Variants in TTC6 observed in about 807,000 individuals in gnomAD.
TTC6 encodes tetratricopeptide repeat protein 6.
TTC6 carries 172 observed loss-of-function variants against 210.4 expected under a neutral mutation model. That is an observed-to-expected ratio of 0.82 (90% CI 0.72 to 0.93). The LOEUF is 0.93. Ranked by LOEUF, TTC6 falls within the 40% of genes least tolerant of loss-of-function variation. TTC6 has a pLI of 0.00. For synonymous variants in TTC6, 804 were observed against 819.6 expected (o/e 0.98, Z 0.32); for missense variants, 2,414 against 2,318.1 (o/e 1.04, Z -0.85).
In TTC6 at chr14:37,722,025, A is replaced by T. The variant is rs143011950; in HGVS notation, c.1714-2873A>T. 3.5e-3 allele frequency among the ~76,000 whole-genome samples: 524 copies of T among 151,496 alleles called. 3 individuals are homozygous for T. The highest frequency in any genetic ancestry group is 0.012 in the African/African-American group (505 of 41,312). ...GTCTCAGACTACATTTTGAAAACTG[A>T]TATTCTGCCTTAGGTTTCATTTAAA... On this transcript the variant is annotated intron_variant, in intron 6 of 30. Coordinates refer to ENST00000553443, the Ensembl canonical transcript of TTC6.
At chr14:37,766,396 G>T (rs918602171) in intron 14 of TTC6, among the ~76,000 whole-genome samples, 17 of 152,054 alleles carry the variant, frequency 1.1e-4, no homozygotes, top group Admixed American at 6.6e-4. Flanking sequence ...CATGTCTATT[G>T]TTCCCTTATT....
intron 2 of TTC6, among the ~76,000 whole-genome samples, chr14:37,616,700 A>G (rs2095643263): frequency 6.8e-6 from 1 of 146,946 alleles, no homozygotes; most frequent in Non-Finnish European, 1.5e-5. Flanking sequence ...CTGCCTCAAC[A>G]CTGCACTCCA....
intron 14 of TTC6, among the ~76,000 whole-genome samples, chr14:37,773,305 A>G (rs115588107): frequency 8.5e-5 from 13 of 152,136 alleles, no homozygotes; most frequent in African/African-American, 1.9e-4. Flanking sequence ...TTTTGTTGCA[A>G]TTTGCTTCTG....
At chr14:37,736,490 G>A (rs932966609) in intron 8 of TTC6, among the ~76,000 whole-genome samples, 1 of 152,016 alleles carries the variant, frequency 6.6e-6, no homozygotes, top group Non-Finnish European at 1.5e-5. Flanking sequence ...CTAATCAATA[G>A]CAGGATATTT....
At chr14:37,632,211 T>C (rs527628080) in intron 1 of TTC6, among the ~76,000 whole-genome samples, 48 of 152,368 alleles carry the variant, frequency 3.2e-4, no homozygotes, top group African/African-American at 1.2e-3. Flanking sequence ...GTTTTTGGAA[T>C]TGCAGCCTTT....
intron 6 of TTC6, among the ~76,000 whole-genome samples, chr14:37,716,785 G>T (rs1245087467): frequency 6.6e-6 from 1 of 152,034 alleles, no homozygotes; most frequent in Admixed American, 6.6e-5. Flanking sequence ...TAGAAAATCA[G>T]CAACAACCTC....
chr14:37,740,690 T>C (rs182536568), intron 10 of TTC6, among the ~76,000 whole-genome samples: 131 of 152,330 alleles, frequency 8.6e-4, no homozygotes, highest in Non-Finnish European at 1.2e-3. Context: ...TTAAGTTTTG[T>C]CTGCAACAAA....
chr14:37,788,038 C>T (rs931918110), intron 15 of TTC6, among the ~76,000 whole-genome samples: 2 of 151,924 alleles, frequency 1.3e-5, no homozygotes, highest in African/African-American at 4.8e-5. Context: ...GCTAAAATGG[C>T]AGTAAACTGT....
intron 14 of TTC6, among the ~76,000 whole-genome samples, chr14:37,772,751 A>T (rs1190388750): frequency 3.3e-5 from 5 of 152,028 alleles, no homozygotes; most frequent in Non-Finnish European, 7.4e-5. Flanking sequence ...GGAAATGCAG[A>T]TATCACCCGT....
chr14:37,672,160 C>T (rs1156529834), intron 1 of TTC6, among the ~76,000 whole-genome samples: 1 of 152,068 alleles, frequency 6.6e-6, no homozygotes, highest in Non-Finnish European at 1.5e-5. Flanking sequence ...GATATAGATG[C>T]ATAATTATTT....
intron 3 of TTC6, among the ~76,000 whole-genome samples, chr14:37,686,150 T>G (rs1595103767): frequency 6.6e-6 from 1 of 152,114 alleles, no homozygotes. Context: ...CTCTTTACCC[T>G]TTACTAGTAG....
At chr14:37,721,927 T>C (rs962241596) in intron 6 of TTC6, among the ~76,000 whole-genome samples, 9 of 145,860 alleles carry the variant, frequency 6.2e-5, no homozygotes, top group Non-Finnish European at 1.2e-4. Context: ...TATATATATA[T>C]ACATATATAT....
At chr14:37,704,306 C>G (rs369693390) in intron 5 of TTC6, among the ~76,000 whole-genome samples, 4 of 152,192 alleles carry the variant, frequency 2.6e-5, no homozygotes, top group African/African-American at 9.6e-5. Flanking sequence ...CCTCCTGCAC[C>G]AGCCTCCTAA....
chr14:37,753,065 T>A lies in TTC6; in HGVS notation c.3130-34T>A, dbSNP rs563667164. 7.5e-6 allele frequency: 11 copies of A among 1,472,720 alleles called. No individual in the cohort carries two copies. In the South Asian group the frequency reaches 1.2e-4, roughly 16 times the overall value. The allele number at this position is 1,472,720 out of a possible 1,614,324, so 91.2% of individuals were successfully genotyped here. ...TTATATACTTCATTTTTTTTCATTT[T>A]GTGATGTTTATGTACCTCCCGCTGT... On this transcript the variant is annotated intron_variant, in intron 13 of 30. Transcript: ENST00000553443.
intron 29 of TTC6, among the ~76,000 whole-genome samples, chr14:37,838,170 A>G (rs945952582): frequency 6.6e-6 from 1 of 152,214 alleles, no homozygotes; most frequent in Non-Finnish European, 1.5e-5. Context: ...TTCATCCATC[A>G]GGGAGTTAGA....
At chr14:37,762,594 T>C (rs187122432) in intron 14 of TTC6, among the ~76,000 whole-genome samples, 70 of 152,322 alleles carry the variant, frequency 4.6e-4, no homozygotes, top group Admixed American at 1.6e-3. Flanking sequence ...TGGTCATTTA[T>C]ATGTCTTCTT....
intron 1 of TTC6, among the ~76,000 whole-genome samples, chr14:37,675,610 T>C (rs2095767392): frequency 1.3e-5 from 2 of 152,078 alleles, no homozygotes; most frequent in South Asian, 4.1e-4. Flanking sequence ...AATTGCTGTG[T>C]CAGTTGGTAA....
At chr14:37,618,883 T>G (rs1406227798), upstream of TTC6, among the ~76,000 whole-genome samples, 1 of 152,162 alleles carries the variant, frequency 6.6e-6, no homozygotes, top group African/African-American at 2.4e-5. Flanking sequence ...AAGCAGGAAC[T>G]AAGAAATAAA....
chr14:37,772,016 T>G (rs1280733698), intron 14 of TTC6, among the ~76,000 whole-genome samples: 2 of 152,152 alleles, frequency 1.3e-5, no homozygotes, highest in Non-Finnish European at 2.9e-5. Context: ...TAGTTTTCCT[T>G]CTAACGGACA....
Sources: gnomAD v4.1 joint callset for allele counts (sites outside exome capture counted in the v4.1 genomes callset) on GRCh38, gnomAD v4.1.1 for gene constraint, MANE v1.5 for transcripts, NCBI Gene and HGNC (gene_info 2026-07-23, HGNC 2026-07-21) for gene names.